Variants in CTNND2 observed in about 807,000 individuals in gnomAD.
CTNND2 encodes catenin delta-2.
A neutral mutation model predicts 144.4 loss-of-function variants in CTNND2; 22 were observed. The ratio of observed to expected loss-of-function variants is 0.15; its 90% CI spans 0.11 to 0.22. The LOEUF (loss-of-function observed/expected upper bound fraction) is 0.22, where lower values mean the gene tolerates loss of function less well. CTNND2 is among the 10% of genes least tolerant of loss of function. The probability of loss-of-function intolerance (pLI) is 1.00; values close to 1 mark genes in which losing one functional copy is unlikely to be tolerated. For synonymous variants in CTNND2, 751 were observed against 695.6 expected, an observed-to-expected ratio of 1.08 and a Z score of -1.25; for missense variants, 1,353 against 1,618.8, an observed-to-expected ratio of 0.84 and a Z score of 2.82.
intron 3 of CTNND2, among the ~76,000 whole-genome samples, chr5:11,460,051 C>A (rs1766060133): frequency 6.6e-6 from 1 of 152,142 alleles, no homozygotes; most frequent in South Asian, 2.1e-4. Context: ...GACAAGATCA[C>A]CCGACTGGGA....
At chr5:11,315,432 T>G (rs1472784042) in intron 9 of CTNND2, among the ~76,000 whole-genome samples, 1 of 152,234 alleles carries the variant, frequency 6.6e-6, no homozygotes. Flanking sequence ...CTTTTGCCAG[T>G]AAAAACTGAC....
chr5:11,162,884 TACAC>T (rs34257746), intron 11 of CTNND2, among the ~76,000 whole-genome samples: 58,413 of 147,672 alleles, frequency 0.4, 11,788 homozygotes, highest in Admixed American at 0.51. Context: ...TCTTTCCTGC[TACAC>T]ACACACACAC....
intron 11 of CTNND2, among the ~76,000 whole-genome samples, chr5:11,195,818 C>T (rs982645089): frequency 1.3e-5 from 2 of 152,172 alleles, no homozygotes; most frequent in Admixed American, 6.5e-5. Flanking sequence ...GCCCAAAGGA[C>T]GTGCAGCATT....
intron 14 of CTNND2, among the ~76,000 whole-genome samples, chr5:11,107,433 A>G (rs1752532065): frequency 6.6e-6 from 1 of 152,162 alleles, no homozygotes; most frequent in Non-Finnish European, 1.5e-5. Flanking sequence ...AGAGCATCCG[A>G]ATGACATAGC....
Position 11,397,014 on chromosome 5 carries a change from C to T in CTNND2, c.612+17G>A. 1.2e-6 allele frequency: 2 copies of T among 1,609,892 alleles called. No individual in the cohort carries two copies. Among genetic ancestry groups the T allele is most frequent in the Non-Finnish European group, 1.7e-6 (2 of 1,178,242 alleles). On this transcript the variant is annotated intron_variant, in intron 6 of 21. Transcript: ENST00000304623. The stretch of plus-strand genomic sequence containing the variant: ...CCCCTTGGAGTCCACTGACACCATA[C>T]AGCACTGGGTACCTACCTGGCTGAA...
chr5:11,362,163 TACA>T (rs1040123547), intron 8 of CTNND2, among the ~76,000 whole-genome samples: 2 of 152,068 alleles, frequency 1.3e-5, no homozygotes, highest in Non-Finnish European at 2.9e-5. Flanking sequence ...TAGCGGTATG[TACA>T]ACACAGATGA....
At chr5:11,142,447 G>A (rs1042162310) in intron 12 of CTNND2, among the ~76,000 whole-genome samples, 3 of 152,126 alleles carry the variant, frequency 2.0e-5, no homozygotes, top group Non-Finnish European at 4.4e-5. Flanking sequence ...GAAGAGCCAG[G>A]GAGAAGGGTG....
intron 9 of CTNND2, among the ~76,000 whole-genome samples, chr5:11,343,790 G>A (rs1313106050): frequency 6.6e-6 from 1 of 152,100 alleles, no homozygotes; most frequent in East Asian, 1.9e-4. Context: ...TTTGAAGATT[G>A]TAATGTGCTA....
At chr5:11,562,327 T>C (rs949128828) in intron 3 of CTNND2, among the ~76,000 whole-genome samples, 2 of 152,194 alleles carry the variant, frequency 1.3e-5, no homozygotes, top group Non-Finnish European at 2.9e-5. Flanking sequence ...TGTTTAAATA[T>C]CCCTTTTGAT....
At chr5:11,032,783 C>T (rs1185928284) in intron 16 of CTNND2, among the ~76,000 whole-genome samples, 2 of 152,166 alleles carry the variant, frequency 1.3e-5, no homozygotes, top group Non-Finnish European at 2.9e-5. Context: ...TAAGATACCA[C>T]TTATATAACA....
At chr5:11,667,739 T>C (rs1408585560) in intron 2 of CTNND2, among the ~76,000 whole-genome samples, 1 of 152,244 alleles carries the variant, frequency 6.6e-6, no homozygotes, top group East Asian at 1.9e-4. Flanking sequence ...GTTGATAGTT[T>C]ATTTTGCTGT....
At chr5:11,798,087 G>A (rs891093432) in intron 1 of CTNND2, among the ~76,000 whole-genome samples, 27 of 151,148 alleles carry the variant, frequency 1.8e-4, no homozygotes, top group Admixed American at 1.5e-3. Flanking sequence ...ATGAAACCCC[G>A]TCTCTACTAA....
chr5:11,903,161 G>A lies in CTNND2; in HGVS notation c.37+656C>T, dbSNP rs61760258. 1.5e-3 allele frequency: 1,448 copies of A among 984,384 alleles called. 13 individuals are homozygous for A. The African/African-American group carries it at 0.016, about 11-fold the overall frequency. 61.0% of individuals were successfully genotyped at this position (984,384 alleles called of 1,614,324 possible). The stretch of plus-strand genomic sequence containing the variant: ...CGCTCATCTCCCATACACACGCACA[G>A]CCTTCCAAACCTGGCTTTCAGGCGG... On this transcript the variant is annotated intron_variant, in intron 1 of 21. Transcript: ENST00000304623. The surrounding 1 kb of genome is among the most constrained non-coding windows in gnomAD (Gnocchi z 5.4).
chr5:11,858,443 G>T (rs11741312), intron 1 of CTNND2, among the ~76,000 whole-genome samples: 1 of 151,968 alleles, frequency 6.6e-6, no homozygotes, highest in African/African-American at 2.4e-5. Context: ...TGCTGCAAAT[G>T]TAAGGTTATA....
rs571651552 is a variant in CTNND2 at position 11,166,538 on chromosome 5, C to T, written c.1976-6779G>A. 9.9e-5 allele frequency among the ~76,000 whole-genome samples: 15 copies of T among 151,778 alleles called. No individual in the cohort carries two copies. In the South Asian group the frequency reaches 1.7e-3, roughly 17 times the overall value. ...TGCTGGGATTACAGGCCCGCCACCA[C>T]GCCCGGCCAAAAAAAGTTCATTTTT... On this transcript the variant is annotated intron_variant, in intron 11 of 21. Transcript: ENST00000304623.
At chr5:11,310,374 T>A (rs1461314078) in intron 9 of CTNND2, among the ~76,000 whole-genome samples, 1 of 152,004 alleles carries the variant, frequency 6.6e-6, no homozygotes, top group Non-Finnish European at 1.5e-5. Context: ...TGAGCCCTTA[T>A]CTTCCCCTCA....
intron 15 of CTNND2, among the ~76,000 whole-genome samples, chr5:11,091,305 C>A (rs1750746756): frequency 6.6e-6 from 1 of 152,164 alleles, no homozygotes; most frequent in African/African-American, 2.4e-5. Context: ...TTTTTCATTT[C>A]AGACACTGCA....
In CTNND2 at chr5:11,182,010, TG is replaced by T. The variant is rs1560982788; in HGVS notation, c.1975+17437del. ...GTGTAGTATGTGTGTGGTGTGTGGG[TG>T]TGTGTGGCGTGTGTGATGTATGTGT... On this transcript the variant is annotated intron_variant, in intron 11 of 21. Transcript: ENST00000304623. Among the ~76,000 whole-genome samples the T allele has an allele frequency of 7.9e-3, 956 of 120,816 alleles. 21 individuals carry two copies. The highest frequency in any genetic ancestry group is 0.032 in the African/African-American group (919 of 28,994). 79.3% of individuals were successfully genotyped at this position (120,816 alleles called of 152,430 possible).
chr5:11,120,523 TATA>T (rs1754009217), intron 12 of CTNND2, among the ~76,000 whole-genome samples: 1 of 68,840 alleles, frequency 1.5e-5, no homozygotes, highest in Non-Finnish European at 3.3e-5. Flanking sequence ...TCAGTATACA[TATA>T]GACTTCAAGA....
Sources: gnomAD v4.1 joint callset for allele counts (sites outside exome capture counted in the v4.1 genomes callset) on GRCh38, gnomAD v4.1.1 for gene constraint, Gnocchi (gnomAD v3.1) non-coding constraint, MANE v1.5 for transcripts, NCBI Gene and HGNC (gene_info 2026-07-23, HGNC 2026-07-21) for gene names.